The following OR4L1 variants were observed in gnomAD, a reference collection of about 807,000 sequenced individuals.
OR4L1 encodes the protein olfactory receptor family 4 subfamily L member 1.
For synonymous variants in OR4L1, 156 were observed against 135.3 expected (o/e 1.15, Z -1.06); for missense variants, 446 against 368.5 (o/e 1.21, Z -1.72).
rs762518011 is a variant in OR4L1, at chr14:20,060,645, G to C, written c.601G>C (p.Ala201Pro). 1.6e-5 allele frequency: 26 copies of C among 1,613,662 alleles called. No individual in the cohort carries two copies. In the East Asian group the frequency reaches 4.2e-4, roughly 26 times the overall value. The part of the protein sequence containing the change: ...ETYTLELFVI[A>P]DSGLLSFTCF... Reference sequence around the variant, plus strand: ...ATACACCCTGGAATTATTTGTCATTGCTGACAGCGGGCTGCTCTCTTTCAC... The same window carrying C: ...ATACACCCTGGAATTATTTGTCATTCCTGACAGCGGGCTGCTCTCTTTCAC... Residue 201 changes from alanine to proline, a missense_variant, in exon 1 of 1, where the codon GCT becomes CCT. By Grantham distance (27) the Ala-to-Pro change is conservative. Coordinates refer to ENST00000315683, the MANE Select transcript of OR4L1 (RefSeq NM_001004717.1).
rs1318876731 is a variant in OR4L1 at position 20,060,918 on chromosome 14, A to G, written c.874A>G (p.Lys292Glu). The G allele has an allele frequency of 1.9e-6, 3 of 1,584,412 alleles. No individual in the cohort carries two copies. The highest frequency in any genetic ancestry group is 2.6e-6 in the Non-Finnish European group (3 of 1,168,974). ...TCCGAGTATTTATACCCTGAGAAATAAGAAAATGCAAGAGGCCATAAGAAA... is the reference window on the plus strand; with the variant it reads ...TCCGAGTATTTATACCCTGAGAAATGAGAAAATGCAAGAGGCCATAAGAAA... ...LNPSIYTLRN[K>E]KMQEAIRKLR... Residue 292 changes from lysine (K) to glutamate (E), a missense_variant, in exon 1 of 1, where the codon AAG becomes GAG. Transcript: ENST00000315683.
Position 20,060,206 on chromosome 14 carries a change from C to G in OR4L1, c.162C>G (p.Thr54=), listed in dbSNP as rs765536992. ...TGGTCACAGTGACATGTAGGTCAAC[C>G]CTTCATTCTCCCTTGTACTTTCTCC... The part of the protein sequence containing the change: ...LIMVTVTCRS[T]LHSPLYFLLG... The change falls in exon 1 of 1, where the codon ACC becomes ACG. Residue 54 remains threonine (T), a synonymous_variant. Coordinates refer to ENST00000315683, the MANE Select transcript of OR4L1 (RefSeq NM_001004717.1). 10 of 1,605,228 alleles carry G rather than the reference C, an allele frequency of 6.2e-6. No homozygotes were observed. In the South Asian group the frequency reaches 1.0e-4, roughly 16 times the overall value.
Position 20,060,189 on chromosome 14 carries a change from G to A in OR4L1, c.145G>A (p.Val49Met). 6.2e-7 allele frequency: 1 copy of A among 1,606,504 alleles called. No individual in the cohort carries two copies. The highest frequency in any genetic ancestry group is 8.5e-7 in the Non-Finnish European group (1 of 1,174,976). The change falls in exon 1 of 1, where the codon GTG becomes ATG. Residue 49 changes from valine to methionine, a missense_variant. Transcript: ENST00000315683. ...GGGAAACATTCTCATTATGGTCACAGTGACATGTAGGTCAACCCTTCATTC... is the reference window on the plus strand; with the variant it reads ...GGGAAACATTCTCATTATGGTCACAATGACATGTAGGTCAACCCTTCATTC... ...VMGNILIMVT[V>M]TCRSTLHSPL...
chr14:20,060,574 T>A lies in OR4L1; in HGVS notation c.530T>A (p.Ile177Lys), dbSNP rs1057066396. Reference sequence around the variant, plus strand: ...TGTGGCCACAATGTCATAAACAACATATTTTGTGATCTTCCCCTTGTGATC... The same window carrying A: ...TGTGGCCACAATGTCATAAACAACAAATTTTGTGATCTTCCCCTTGTGATC... Reference protein sequence around the residue: ...PFCGHNVINNIFCDLPLVIKL... With the variant: ...PFCGHNVINNKFCDLPLVIKL... Residue 177 changes from isoleucine (I) to lysine (K), a missense_variant, in exon 1 of 1, where the codon ATA becomes AAA. Transcript: ENST00000315683. 1.9e-6 allele frequency: 3 copies of A among 1,612,658 alleles called. No individual in the cohort carries two copies. Among genetic ancestry groups the A allele is most frequent in the Non-Finnish European group, 2.5e-6 (3 of 1,179,244 alleles).
At position 20,060,151 on chromosome 14, in the gene OR4L1, G is replaced by A. The variant is rs1405258380; in HGVS notation, c.107G>A (p.Gly36Asp). ...FFFVTFSLIY[G>D]ATVMGNILIM... ...TTTGTGACATTTTCCCTGATCTACG[G>A]TGCTACTGTGATGGGAAACATTCTC... is the stretch of plus-strand genomic sequence containing the variant. Residue 36 changes from glycine to aspartate, a missense_variant, in exon 1 of 1, where the codon GGT becomes GAT. Gly to Asp is a moderately conservative substitution (Grantham distance 94, BLOSUM62 -1). Coordinates refer to ENST00000315683, the MANE Select transcript of OR4L1 (RefSeq NM_001004717.1). The A allele has an allele frequency of 7.5e-6, 12 of 1,605,474 alleles. No homozygotes were observed. Among genetic ancestry groups the A allele is most frequent in the Middle Eastern group, 1.7e-4 (1 of 6,036 alleles).
chr14:20,060,473 G>C lies in OR4L1; in HGVS notation c.429G>C (p.Gly143=), dbSNP rs758344852. The C allele has an allele frequency of 8.7e-6, 14 of 1,613,812 alleles. No individual in the cohort carries two copies. In the South Asian group the frequency reaches 1.5e-4, roughly 18 times the overall value. Reference sequence around the variant, plus strand: ...TCATGAGCCACAAGCTGCTAAAGGGGTTTGCGATACTTTCATGGATAATTG... The same window carrying C: ...TCATGAGCCACAAGCTGCTAAAGGGCTTTGCGATACTTTCATGGATAATTG... The part of the protein sequence containing the change: ...RTIMSHKLLK[G]FAILSWIIGF... Residue 143 remains glycine, a synonymous_variant, in exon 1 of 1, where the codon GGG becomes GGC. Transcript: ENST00000315683.
Position 20,060,127 on chromosome 14 carries a change from T to C in OR4L1, c.83T>C (p.Phe28Ser). 2 of 1,591,402 alleles carry C rather than the reference T, an allele frequency of 1.3e-6. No homozygotes were observed. Among genetic ancestry groups the C allele is most frequent in the Non-Finnish European group, 1.7e-6 (2 of 1,172,726 alleles). The change falls in exon 1 of 1, where the codon TTT becomes TCT. Residue 28 changes from phenylalanine to serine, a missense_variant. Phe to Ser is a radical substitution (Grantham distance 155). Coordinates refer to ENST00000315683, the MANE Select transcript of OR4L1 (RefSeq NM_001004717.1). Reference sequence around the variant, plus strand: ...CGATGGGAACTTCAAATTTTCTTCTTTGTGACATTTTCCCTGATCTACGGT... The same window carrying C: ...CGATGGGAACTTCAAATTTTCTTCTCTGTGACATTTTCCCTGATCTACGGT... ...FGRWELQIFFFVTFSLIYGAT... is the reference protein window; with the variant it reads ...FGRWELQIFFSVTFSLIYGAT...
At position 20,060,053 on chromosome 14, in the gene OR4L1, TA is replaced by T; in HGVS notation, c.14del (p.Asn5MetfsTer4). ...CTTTCTGAGTTGAGTAAATGGATCTTAAAAATGGATCTCTAGTGACCGAGTT... is the reference window on the plus strand; with the variant it reads ...CTTTCTGAGTTGAGTAAATGGATCTTAAAATGGATCTCTAGTGACCGAGTT... MDL[K>X]NGSLVTEFIL... On this transcript the variant is annotated frameshift_variant, in exon 1 of 1. Transcript: ENST00000315683. LOFTEE classifies it low-confidence loss of function (END_TRUNC). The T allele has an allele frequency of 1.3e-6, 2 of 1,492,502 alleles. No homozygotes were observed. Among genetic ancestry groups the T allele is most frequent in the Non-Finnish European group, 1.8e-6 (2 of 1,115,988 alleles). The allele number at this position is 1,492,502 out of a possible 1,614,324, so 92.5% of individuals were successfully genotyped here. A position where few individuals can be genotyped will look rare whatever the true frequency, so the allele number is the denominator to read the frequency against.
rs776611264 is a variant in OR4L1 at position 20,060,233 on chromosome 14, T to C, written c.189T>C (p.Leu63=). ...TTCATTCTCCCTTGTACTTTCTCCT[T>C]GGAAATCTCTCTTTTTTGGACATGT... The part of the protein sequence containing the change: ...STLHSPLYFL[L]GNLSFLDMCL... The change falls in exon 1 of 1, where the codon CTT becomes CTC. Residue 63 remains leucine (L), a synonymous_variant. Coordinates refer to ENST00000315683, the MANE Select transcript of OR4L1 (RefSeq NM_001004717.1). 6 of 1,607,056 alleles carry C rather than the reference T, an allele frequency of 3.7e-6. No individual in the cohort carries two copies. The highest frequency in any genetic ancestry group is 5.1e-6 in the Non-Finnish European group (6 of 1,175,992).
chr14:20,060,326 G>A lies in OR4L1; in HGVS notation c.282G>A (p.Val94=). The A allele has an allele frequency of 6.2e-7, 1 of 1,600,894 alleles. No homozygotes were observed. Among genetic ancestry groups the A allele is most frequent in the Non-Finnish European group, 8.5e-7 (1 of 1,174,520 alleles). The change falls in exon 1 of 1, where the codon GTG becomes GTA. Residue 94 remains valine, a synonymous_variant. Coordinates refer to ENST00000315683, the MANE Select transcript of OR4L1 (RefSeq NM_001004717.1). ...TCACTGACCACAAGACCATCTCTGTGTGGGGCTGCGTGACCCAGATGTTCT... is the reference window on the plus strand; with the variant it reads ...TCACTGACCACAAGACCATCTCTGTATGGGGCTGCGTGACCCAGATGTTCT... ...DLLTDHKTIS[V]WGCVTQMFFM... is the part of the protein sequence containing the mutation.
At position 20,060,179 on chromosome 14, in the gene OR4L1, T is replaced by C. The variant is rs762655046; in HGVS notation, c.135T>C (p.Ile45=). ...CTACTGTGATGGGAAACATTCTCAT[T>C]ATGGTCACAGTGACATGTAGGTCAA... ...YGATVMGNIL[I]MVTVTCRSTL... Residue 45 remains isoleucine (I), a synonymous_variant, in exon 1 of 1, where the codon ATT becomes ATC. Transcript: ENST00000315683. The C allele has an allele frequency of 3.7e-6, 6 of 1,606,616 alleles. No individual in the cohort carries two copies. The East Asian group carries it at 1.1e-4, about 30-fold the overall frequency.
At position 20,060,716 on chromosome 14, in the gene OR4L1, T is replaced by C; in HGVS notation, c.672T>C (p.Ser224=). 3 of 1,613,844 alleles carry C rather than the reference T, an allele frequency of 1.9e-6. No homozygotes were observed. The highest frequency in any genetic ancestry group is 2.5e-6 in the Non-Finnish European group (3 of 1,179,834). ...LLVSYIVILV[S]VPKKSSHGLS... ...TTTCTTACATTGTCATCCTGGTCAG[T>C]GTACCAAAAAAATCATCACATGGGC... is the stretch of plus-strand genomic sequence containing the variant. The change falls in exon 1 of 1, where the codon AGT becomes AGC. Residue 224 remains serine (S), a synonymous_variant. Transcript: ENST00000315683.
At position 20,060,775 on chromosome 14, in the gene OR4L1, T is replaced by A; in HGVS notation, c.731T>A (p.Ile244Asn). ...GCGCTGTCCACATTGTCTGCCCACA[T>A]CATTGTGGTCACTCTGTTCTTTGGA... ...SKALSTLSAH[I>N]IVVTLFFGPC... Residue 244 changes from isoleucine (I) to asparagine (N), a missense_variant, in exon 1 of 1, where the codon ATC (isoleucine) becomes AAC (asparagine). Ile to Asn is a moderately radical substitution (Grantham distance 149, BLOSUM62 -3). Transcript: ENST00000315683. 2 of 1,612,430 alleles carry A rather than the reference T, an allele frequency of 1.2e-6. No individual in the cohort carries two copies. The highest frequency in any genetic ancestry group is 1.7e-6 in the Non-Finnish European group (2 of 1,179,128).
rs754560455 is a variant in OR4L1, at chr14:20,060,221, G to T, written c.177G>T (p.Leu59Phe). 7 of 1,606,784 alleles carry T rather than the reference G, an allele frequency of 4.4e-6. No homozygotes were observed. In the Admixed American group the frequency reaches 1.2e-4, roughly 27 times the overall value. ...GTAGGTCAACCCTTCATTCTCCCTT[G>T]TACTTTCTCCTTGGAAATCTCTCTT... is the stretch of plus-strand genomic sequence containing the variant. Reference protein sequence around the residue: ...VTCRSTLHSPLYFLLGNLSFL... With the variant: ...VTCRSTLHSPFYFLLGNLSFL... Residue 59 changes from leucine (L) to phenylalanine (F), a missense_variant, in exon 1 of 1, where the codon TTG becomes TTT. Physicochemically the swap from Leu to Phe is conservative, Grantham distance 22. Transcript: ENST00000315683.
rs374852761 is a variant in OR4L1 at position 20,060,479 on chromosome 14, G to A, written c.435G>A (p.Ala145=). ...IMSHKLLKGF[A]ILSWIIGFLH... is the part of the protein sequence containing the mutation. ...GCCACAAGCTGCTAAAGGGGTTTGC[G>A]ATACTTTCATGGATAATTGGTTTTT... is the stretch of plus-strand genomic sequence containing the variant. Residue 145 remains alanine, a synonymous_variant, in exon 1 of 1, where the codon GCG becomes GCA. Transcript: ENST00000315683. 9 of 1,613,600 alleles carry A rather than the reference G, an allele frequency of 5.6e-6. No homozygotes were observed. The highest frequency in any genetic ancestry group is 1.3e-5 in the African/African-American group (1 of 74,886).
At position 20,060,732 on chromosome 14, in the gene OR4L1, T is replaced by A. The variant is rs763821772; in HGVS notation, c.688T>A (p.Ser230Thr). The A allele has an allele frequency of 3.5e-5, 57 of 1,613,608 alleles. No individual in the cohort carries two copies. Among genetic ancestry groups the A allele is most frequent in the Non-Finnish European group, 4.7e-5 (55 of 1,179,770 alleles). ...CCTGGTCAGTGTACCAAAAAAATCATCACATGGGCTCTCCAAGGCGCTGTC... is the reference window on the plus strand; with the variant it reads ...CCTGGTCAGTGTACCAAAAAAATCAACACATGGGCTCTCCAAGGCGCTGTC... ...VILVSVPKKS[S>T]HGLSKALSTL... The change falls in exon 1 of 1, where the codon TCA becomes ACA. Residue 230 changes from serine to threonine, a missense_variant. By Grantham distance (58) the Ser-to-Thr change is moderately conservative. Transcript: ENST00000315683.
chr14:20,060,428 A>T lies in OR4L1; in HGVS notation c.384A>T (p.Lys128Asn). The T allele has an allele frequency of 6.2e-7, 1 of 1,612,054 alleles. No homozygotes were observed. The highest frequency in any genetic ancestry group is 8.5e-7 in the Non-Finnish European group (1 of 1,179,286). Residue 128 changes from lysine to asparagine, a missense_variant, in exon 1 of 1, where the codon AAA becomes AAT. Physicochemically the swap from Lys to Asn is moderately conservative, Grantham distance 94 (BLOSUM62 0). Coordinates refer to ENST00000315683, the MANE Select transcript of OR4L1 (RefSeq NM_001004717.1). ...MAFDRYVAIC[K>N]PLHYRTIMSH... ...TTGACAGGTATGTAGCCATATGTAA[A>T]CCCCTGCACTATAGGACAATCATGA... is the stretch of plus-strand genomic sequence containing the variant.
In OR4L1 at chr14:20,060,783, G is replaced by A; in HGVS notation, c.739G>A (p.Val247Ile). 1 of 1,612,476 alleles carries A rather than the reference G, an allele frequency of 6.2e-7. No individual in the cohort carries two copies. The highest frequency in any genetic ancestry group is 8.5e-7 in the Non-Finnish European group (1 of 1,179,360). The change falls in exon 1 of 1, where the codon GTC becomes ATC. Residue 247 changes from valine to isoleucine, a missense_variant. Coordinates refer to ENST00000315683, the MANE Select transcript of OR4L1 (RefSeq NM_001004717.1). The stretch of plus-strand genomic sequence containing the variant: ...CACATTGTCTGCCCACATCATTGTG[G>A]TCACTCTGTTCTTTGGACCTTGTAT... Reference protein sequence around the residue: ...LSTLSAHIIVVTLFFGPCIFI... With the variant: ...LSTLSAHIIVITLFFGPCIFI...
chr14:20,060,648 G>T lies in OR4L1; in HGVS notation c.604G>T (p.Asp202Tyr), dbSNP rs1158460453. The T allele has an allele frequency of 3.1e-6, 5 of 1,613,860 alleles. No individual in the cohort carries two copies. The highest frequency in any genetic ancestry group is 4.2e-6 in the Non-Finnish European group (5 of 1,179,858). The change falls in exon 1 of 1, where the codon GAC becomes TAC. Residue 202 changes from aspartate (D) to tyrosine (Y), a missense_variant. Transcript: ENST00000315683. ...CACCCTGGAATTATTTGTCATTGCT[G>T]ACAGCGGGCTGCTCTCTTTCACCTG... ...TYTLELFVIA[D>Y]SGLLSFTCFI...
Sources: allele counts gnomAD v4.1 joint callset, GRCh38; gene constraint gnomAD v4.1.1; transcripts MANE v1.5; gene names NCBI Gene and HGNC (gene_info 2026-07-23, HGNC 2026-07-21).